The following LRRC15 variants were observed in gnomAD, a reference collection of about 807,000 sequenced individuals.
LRRC15 encodes leucine rich repeat containing 15, also known as leucine-rich repeat-containing protein 15.
A neutral mutation model predicts 4.3 loss-of-function variants in LRRC15; 5 were observed. That is an observed-to-expected ratio of 1.16 (90% confidence interval 0.61 to 2.44). The LOEUF (loss-of-function observed/expected upper bound fraction) is 2.44. LRRC15 is among the 30% of genes most tolerant of loss of function. LRRC15 has a pLI of 0.01. For missense variants in LRRC15, 769 were observed against 747.0 expected (o/e 1.03, Z -0.34); for synonymous variants, 337 against 323.2 (o/e 1.04, Z -0.46).
intron 1 of LRRC15, among the ~76,000 whole-genome samples, chr3:194,361,907 G>A (rs570066404): frequency 3.3e-5 from 5 of 152,354 alleles, no homozygotes; most frequent in African/African-American, 1.2e-4. Flanking sequence ...CGCTGGGAGA[G>A]GCTGCTGTGG....
rs552954426 is a variant in LRRC15, at chr3:194,359,741, G to A, written c.1303C>T (p.Arg435Cys). ...GGCTGGTTGAGCAGGAGCCAGTTGC[G>A]GAGCGGAAGGATGTCTGAGTCACAC... The part of the protein sequence containing the change: ...WRCDSDILPL[R>C]NWLLLNQPRL... Residue 435 changes from arginine to cysteine, a missense_variant, in exon 2 of 2, where the codon CGC becomes TGC. Physicochemically the swap from Arg to Cys is radical, Grantham distance 180 (BLOSUM62 -3). Transcript: ENST00000347624. 2.0e-5 allele frequency: 33 copies of A among 1,614,128 alleles called. No individual in the cohort carries two copies. Among genetic ancestry groups the A allele is most frequent in the Middle Eastern group, 1.6e-4 (1 of 6,062 alleles).
In LRRC15 at chr3:194,360,963, G is replaced by T. The variant is rs13090956; in HGVS notation, c.81C>A (p.Ser27Arg). The T allele has an allele frequency of 7.0e-6, 11 of 1,573,252 alleles. No individual in the cohort carries two copies. In the African/African-American group the frequency reaches 1.3e-4, roughly 19 times the overall value. Residue 27 changes from serine (S) to arginine (R), a missense_variant, in exon 2 of 2, where the codon AGC becomes AGA. Physicochemically the swap from Ser to Arg is moderately radical, Grantham distance 110. Transcript: ENST00000347624. ...GGGAGGCCCTGGAGCAGGTACACTC[G>T]CTAGGGCAGCCATGGTAGGCCAACC... is the stretch of plus-strand genomic sequence containing the variant. ...GAGLAYHGCPSECTCSRASQV... is the reference protein window; with the variant it reads ...GAGLAYHGCPRECTCSRASQV...
At chr3:194,364,213 C>T (rs1040652543) in intron 1 of LRRC15, among the ~76,000 whole-genome samples, 5 of 152,150 alleles carry the variant, frequency 3.3e-5, no homozygotes, top group Admixed American at 3.3e-4. Context: ...GGCTGAGTTT[C>T]AGGGCATGAG....
At chr3:194,365,955 C>G (rs1471974284) in intron 1 of LRRC15, among the ~76,000 whole-genome samples, 1 of 152,244 alleles carries the variant, frequency 6.6e-6, no homozygotes, top group East Asian at 1.9e-4. Context: ...CTGTCTCTCC[C>G]TGGCTTCTCC....
At chr3:194,366,723 C>T (rs1462964141) in intron 1 of LRRC15, among the ~76,000 whole-genome samples, 1 of 152,212 alleles carries the variant, frequency 6.6e-6, no homozygotes, top group African/African-American at 2.4e-5. Context: ...ATAGAAGCTG[C>T]TTCCAGAAAC....
chr3:194,363,273 G>A (rs1713686592), intron 1 of LRRC15: 1 of 650,598 alleles, frequency 1.5e-6, no homozygotes, highest in South Asian at 1.7e-5. Context: ...CACAGCCCAT[G>A]GAAGCCCTGA....
chr3:194,361,069 C>A lies in LRRC15; in HGVS notation c.-3-23G>T, dbSNP rs374022127. The A allele has an allele frequency of 6.7e-6, 10 of 1,485,748 alleles. No individual in the cohort carries two copies. The African/African-American group carries it at 1.1e-4, about 17-fold the overall frequency. 92.0% of individuals were successfully genotyped at this position (1,485,748 alleles called of 1,614,324 possible). A position where few individuals can be genotyped will look rare whatever the true frequency, so the allele number is the denominator to read the frequency against. On this transcript the variant is annotated intron_variant, in intron 1 of 1. Transcript: ENST00000347624. ...AGCCTGTGCAAGGGGAGAGAGCACA[C>A]GTTAGTCAGGGTCCTCTACCTGACA...
chr3:194,366,016 T>C (rs1409329623), intron 1 of LRRC15, among the ~76,000 whole-genome samples: 1 of 152,174 alleles, frequency 6.6e-6, no homozygotes, highest in African/African-American at 2.4e-5. Context: ...CAGAGAGATG[T>C]CACCCAACAA....
At chr3:194,368,529 C>A (rs6789494) in intron 1 of LRRC15, among the ~76,000 whole-genome samples, 121,516 of 152,074 alleles carry the variant, frequency 0.8, 48,982 homozygotes, top group East Asian at 0.94. Flanking sequence ...TGTTCAGTCT[C>A]TGCAGAATGA....
In LRRC15 at chr3:194,360,058, A is replaced by C; in HGVS notation, c.986T>G (p.Ile329Ser). Residue 329 changes from isoleucine (I) to serine (S), a missense_variant, in exon 2 of 2, where the codon ATC becomes AGC. Physicochemically the swap from Ile to Ser is moderately radical, Grantham distance 142. Coordinates refer to ENST00000347624, the MANE Select transcript of LRRC15 (RefSeq NM_130830.5). ...GAAGGCACCCGGGGAGATGAAGCTGATCTGATTGCGGCTAAGAATCAGGAC... is the reference window on the plus strand; with the variant it reads ...GAAGGCACCCGGGGAGATGAAGCTGCTCTGATTGCGGCTAAGAATCAGGAC... ...LQVLILSRNQ[I>S]SFISPGAFNG... 6.2e-7 allele frequency: 1 copy of C among 1,614,226 alleles called. No homozygotes were observed. Among genetic ancestry groups the C allele is most frequent in the Non-Finnish European group, 8.5e-7 (1 of 1,180,044 alleles).
intron 1 of LRRC15, among the ~76,000 whole-genome samples, chr3:194,366,519 A>ACGTGAGGTCTAGACTAGC (rs1403661967): frequency 1.2e-3 from 185 of 152,216 alleles, no homozygotes; most frequent in African/African-American, 4.3e-3. Flanking sequence ...CAGAAACACC[A>ACGTGAGGTCTAGACTAGC]CGTGAGGTCT....
At chr3:194,362,939 G>GTTTTTTTTT (rs140437995) in intron 1 of LRRC15, among the ~76,000 whole-genome samples, 2 of 78,370 alleles carry the variant, frequency 2.6e-5, no homozygotes, top group Non-Finnish European at 2.7e-5. Context: ...CCTTGATTTT[G>GTTTTTTTTT]TTTTTTTTTT....
chr3:194,367,660 A>G (rs974486906), intron 1 of LRRC15, among the ~76,000 whole-genome samples: 1 of 152,174 alleles, frequency 6.6e-6, no homozygotes, highest in Admixed American at 6.5e-5. Flanking sequence ...CTCTGCTCAA[A>G]TGTAGAGGCA....
intron 1 of LRRC15, among the ~76,000 whole-genome samples, chr3:194,368,761 C>G (rs1403633118): frequency 2.0e-5 from 3 of 152,160 alleles, no homozygotes; most frequent in Non-Finnish European, 4.4e-5. Flanking sequence ...TGGAATGGCT[C>G]TTGCACTTTG....
chr3:194,359,560 C>A lies in LRRC15; in HGVS notation c.1484G>T (p.Ser495Ile). Residue 495 changes from serine (S) to isoleucine (I), a missense_variant, in exon 2 of 2, where the codon AGT becomes ATT. Physicochemically the swap from Ser to Ile is moderately radical, Grantham distance 142 (BLOSUM62 -2). Transcript: ENST00000347624. ...PETPWYPDTPSYPDTTSVSST... is the reference protein window; with the variant it reads ...PETPWYPDTPIYPDTTSVSST... ...AGAGACGGATGTGGTGTCAGGGTAA[C>A]TGGGTGTGTCTGGGTACCATGGTGT... 6.2e-7 allele frequency: 1 copy of A among 1,614,004 alleles called. No homozygotes were observed. The highest frequency in any genetic ancestry group is 8.5e-7 in the Non-Finnish European group (1 of 1,179,954).
chr3:194,365,727 G>A (rs961839703), intron 1 of LRRC15, among the ~76,000 whole-genome samples: 8 of 152,242 alleles, frequency 5.3e-5, no homozygotes, highest in South Asian at 2.1e-4. Context: ...CGCCCGGCCC[G>A]GCTCCAGCTT....
intron 1 of LRRC15, among the ~76,000 whole-genome samples, chr3:194,368,708 A>G (rs1713852169): frequency 6.6e-6 from 1 of 152,064 alleles, no homozygotes; most frequent in South Asian, 2.1e-4. Flanking sequence ...GTCATCTCAG[A>G]GAGAGTGCAG....
Position 194,360,869 on chromosome 3 carries a change from G to T in LRRC15, c.175C>A (p.Gln59Lys), listed in dbSNP as rs764850163. Residue 59 changes from glutamine (Q) to lysine (K), a missense_variant, in exon 2 of 2, where the codon CAG becomes AAG. Coordinates refer to ENST00000347624, the MANE Select transcript of LRRC15 (RefSeq NM_130830.5). Reference sequence around the variant, plus strand: ...TCAGTGATGTGCGTGTTGAGGATCTGCAGGCTCATGGCGTTCCAGGGCAGA... The same window carrying T: ...TCAGTGATGTGCGTGTTGAGGATCTTCAGGCTCATGGCGTTCCAGGGCAGA... ...TPLPWNAMSL[Q>K]ILNTHITELN... 1.7e-5 allele frequency: 28 copies of T among 1,609,196 alleles called. No homozygotes were observed. The highest frequency in any genetic ancestry group is 2.3e-5 in the Non-Finnish European group (27 of 1,176,932).
rs556754077 is a variant in LRRC15, at chr3:194,368,266, C to T, written c.-4+1395G>A. 2.0e-5 allele frequency among the ~76,000 whole-genome samples: 3 copies of T among 152,296 alleles called. No homozygotes were observed. The East Asian group carries it at 5.8e-4, about 29-fold the overall frequency. The stretch of plus-strand genomic sequence containing the variant: ...TGGCAGGACTGAGTCGGGACAGCTC[C>T]TCCCCCACCCCTTATTCTCCACGGC... On this transcript the variant is annotated intron_variant, in intron 1 of 1. Transcript: ENST00000347624.
Sources: allele counts gnomAD v4.1 joint callset (sites outside exome capture counted in the v4.1 genomes callset), GRCh38; gene constraint gnomAD v4.1.1; transcripts MANE v1.5; gene names NCBI Gene and HGNC (gene_info 2026-07-23, HGNC 2026-07-21).